The following CCDC92B variants were observed in gnomAD, a reference collection of about 807,000 sequenced individuals.
The protein encoded by CCDC92B is coiled-coil domain containing 92B, also known as coiled-coil domain-containing 92B.
In CCDC92B, 2 loss-of-function variants were observed where a neutral mutation model predicts 5.6. The observed-to-expected ratio is 0.36, with a 90% CI of 0.15 to 1.12. The LOEUF is 1.12. Among genes scored for constraint, CCDC92B ranks in the 50% most tolerant of loss-of-function variants. CCDC92B has a pLI of 0.40. For synonymous variants in CCDC92B, 115 were observed against 122.3 expected (o/e 0.94, Z 0.39); for missense variants, 271 against 262.2 (o/e 1.03, Z -0.23).
chr17:2,724,553 T>C lies in CCDC92B; in HGVS notation c.626A>G (p.Asp209Gly). Residue 209 changes from aspartate (D) to glycine (G), a missense_variant, in exon 4 of 4, where the codon GAC becomes GGC. Coordinates refer to ENST00000614400, the MANE Select transcript of CCDC92B (RefSeq NM_001355573.2). This position sits in a 1 kb window ranked among gnomAD's most constrained non-coding sequence, Gnocchi z 5.0. ...GALDDADPMP[D>G]PALFLYARRP... ...GCGTGCATAGAGGAAGAGCGCGGGG[T>C]CGGGCATGGGGTCGGCGTCGTCGAG... 1 of 980,990 alleles carries C rather than the reference T, an allele frequency of 1.0e-6. No homozygotes were observed. The allele number at this position is 980,990 out of a possible 1,614,324, so 60.8% of individuals were successfully genotyped here.
At chr17:2,725,800 C>T (rs1343266870) in intron 3 of CCDC92B, among the ~76,000 whole-genome samples, 2 of 151,690 alleles carry the variant, frequency 1.3e-5, no homozygotes, top group Non-Finnish European at 2.9e-5. Flanking sequence ...GTCTTCCCAG[C>T]AGAAGAGACT....
At chr17:2,741,198 CAAT>C (rs2070923083) in intron 1 of CCDC92B, among the ~76,000 whole-genome samples, 1 of 151,996 alleles carries the variant, frequency 6.6e-6, no homozygotes, top group African/African-American at 2.4e-5. Flanking sequence ...TAAGTGATCA[CAAT>C]GATAGCTTAC....
At chr17:2,736,662 C>T (rs994507938) in intron 1 of CCDC92B, among the ~76,000 whole-genome samples, 10 of 151,702 alleles carry the variant, frequency 6.6e-5, no homozygotes, top group Non-Finnish European at 1.5e-5. Flanking sequence ...CGGCGGATCA[C>T]TTGAGGTCAG....
At chr17:2,749,028 A>G (rs2071022643) in intron 1 of CCDC92B, among the ~76,000 whole-genome samples, 1 of 152,176 alleles carries the variant, frequency 6.6e-6, no homozygotes, top group South Asian at 2.1e-4. Context: ...TTCAGGCTTC[A>G]GGTTCTGCCC....
intron 1 of CCDC92B, among the ~76,000 whole-genome samples, chr17:2,748,924 G>C (rs141711763): frequency 0.011 from 1,600 of 152,174 alleles, 14 homozygotes; most frequent in South Asian, 0.031. Flanking sequence ...GCTGCCCCCT[G>C]CACTGAAGCG....
chr17:2,743,916 T>C (rs574630756), intron 1 of CCDC92B, among the ~76,000 whole-genome samples: 1 of 152,254 alleles, frequency 6.6e-6, no homozygotes, highest in South Asian at 2.1e-4. Flanking sequence ...CTGGCTCTGT[T>C]GCCCAGGTTG....
intron 3 of CCDC92B, 116 bp from the exon 4 acceptor site, chr17:2,725,116 C>T: frequency 1.0e-6 from 1 of 985,690 alleles, no homozygotes; most frequent in Non-Finnish European, 1.2e-6. Flanking sequence ...CTCATTTCTG[C>T]AATCCCAGCA....
intron 1 of CCDC92B, among the ~76,000 whole-genome samples, chr17:2,739,216 A>C (rs1467425440): frequency 6.7e-6 from 1 of 148,230 alleles, no homozygotes; most frequent in Non-Finnish European, 1.5e-5. Context: ...AAATACAAAA[A>C]ATTAGCTGGG....
At chr17:2,736,170 A>G (rs1211627311) in intron 1 of CCDC92B, among the ~76,000 whole-genome samples, 1 of 152,024 alleles carries the variant, frequency 6.6e-6, no homozygotes, top group Non-Finnish European at 1.5e-5. Context: ...TGGCTCACAC[A>G]GTAATCCCAG....
At chr17:2,741,075 C>T (rs911832635) in intron 1 of CCDC92B, among the ~76,000 whole-genome samples, 4 of 150,606 alleles carry the variant, frequency 2.7e-5, no homozygotes, top group Non-Finnish European at 5.9e-5. Flanking sequence ...ATTTGTTACA[C>T]AGCGATAAAA....
rs766940060 is a variant in CCDC92B, at chr17:2,734,103, C to CTAA, written c.130+912_130+913insTTA. On this transcript the variant is annotated intron_variant, in intron 2 of 3. Transcript: ENST00000614400. ...CTGTCTCCTTTAAGTGATGCTTTAT[C>CTAA]CATCAACTAGAACCTTCCATGAGCT... Among the ~76,000 whole-genome samples, 170 of 152,082 alleles carry CTAA rather than the reference C, an allele frequency of 1.1e-3. 2 individuals carry two copies. The highest frequency in any genetic ancestry group is 9.2e-4 in the Admixed American group (14 of 15,250).
chr17:2,738,628 C>T lies in CCDC92B; in HGVS notation c.-23-3460G>A, dbSNP rs996554532. On this transcript the variant is annotated intron_variant, in intron 1 of 3. Transcript: ENST00000614400. Reference sequence around the variant, plus strand: ...ATAAAAAATTAGCCGGGTGTGGTGGCGGGCGCCTGTAGTCCCAGCTACTCG... The same window carrying T: ...ATAAAAAATTAGCCGGGTGTGGTGGTGGGCGCCTGTAGTCCCAGCTACTCG... 6.6e-5 allele frequency among the ~76,000 whole-genome samples: 10 copies of T among 151,470 alleles called. No homozygotes were observed. In the South Asian group the frequency reaches 8.3e-4, roughly 13 times the overall value.
In CCDC92B at chr17:2,724,264, G is replaced by C. The variant is rs1366916530; in HGVS notation, c.*147C>G. The C allele has an allele frequency of 2.0e-6, 2 of 985,276 alleles. No individual in the cohort carries two copies. The highest frequency in any genetic ancestry group is 3.5e-5 in the African/African-American group (2 of 57,238). 61.0% of individuals were successfully genotyped at this position (985,276 alleles called of 1,614,324 possible). On this transcript the variant is annotated 3_prime_UTR_variant, in exon 4 of 4. Coordinates refer to ENST00000614400, the MANE Select transcript of CCDC92B (RefSeq NM_001355573.2). The surrounding 1 kb of genome is among the most constrained non-coding windows in gnomAD (Gnocchi z 5.0). ...GGAAGTACAAAAGGCTGGCGGTTCG[G>C]GGATTTGGGGGGAGCCGGGGCCGCC...
Position 2,724,326 on chromosome 17 carries a change from G to C in CCDC92B, c.*85C>G. The C allele has an allele frequency of 4.1e-6, 4 of 985,186 alleles. No individual in the cohort carries two copies. The highest frequency in any genetic ancestry group is 4.8e-6 in the Non-Finnish European group (4 of 829,848). The allele number at this position is 985,186 out of a possible 1,614,324, so 61.0% of individuals were successfully genotyped here. A position where few individuals can be genotyped will look rare whatever the true frequency, so the allele number is the denominator to read the frequency against. ...CCTGGAGGAGGGGCGGCTGCCCTCC[G>C]ACCCGGGACCTGCCTGCGGGGACCG... On this transcript the variant is annotated 3_prime_UTR_variant, in exon 4 of 4. Coordinates refer to ENST00000614400, the MANE Select transcript of CCDC92B (RefSeq NM_001355573.2). This position sits in a 1 kb window ranked among gnomAD's most constrained non-coding sequence, Gnocchi z 5.0.
At position 2,724,186 on chromosome 17, in the gene CCDC92B, C is replaced by T; in HGVS notation, c.*225G>A. 4.6e-5 allele frequency: 45 copies of T among 985,404 alleles called. No homozygotes were observed. Among genetic ancestry groups the T allele is most frequent in the Non-Finnish European group, 5.3e-5 (44 of 829,928 alleles). The allele number at this position is 985,404 out of a possible 1,614,324, so 61.0% of individuals were successfully genotyped here. On this transcript the variant is annotated 3_prime_UTR_variant, in exon 4 of 4. Coordinates refer to ENST00000614400, the MANE Select transcript of CCDC92B (RefSeq NM_001355573.2). This position sits in a 1 kb window ranked among gnomAD's most constrained non-coding sequence, Gnocchi z 5.0. Reference sequence around the variant, plus strand: ...CGGTAGAGAAGGTGCCCCCGCTCGGCCCCGCGGAGGAACTCTCGCGCGAGG... The same window carrying T: ...CGGTAGAGAAGGTGCCCCCGCTCGGTCCCGCGGAGGAACTCTCGCGCGAGG...
At position 2,724,482 on chromosome 17, in the gene CCDC92B, G is replaced by A; in HGVS notation, c.697C>T (p.Gln233Ter). 2 of 980,740 alleles carry A rather than the reference G, an allele frequency of 2.0e-6. No homozygotes were observed. Among genetic ancestry groups the A allele is most frequent in the Non-Finnish European group, 2.4e-6 (2 of 826,672 alleles). The allele number at this position is 980,740 out of a possible 1,614,324, so 60.8% of individuals were successfully genotyped here. The part of the protein sequence containing the change: ...SARSPRQPPP[Q>*]EPPDRAGPQP... The stretch of plus-strand genomic sequence containing the variant: ...GGGCCGGCTCGGTCCGGGGGCTCCT[G>A]GGGAGGCGGCTGGCGCGGGCTGCGG... The change falls in exon 4 of 4, where the codon CAG becomes TAG. Residue 233 changes from glutamine to a stop codon, truncating the protein, a stop_gained. Transcript: ENST00000614400. LOFTEE classifies it low-confidence loss of function (END_TRUNC). This position sits in a 1 kb window ranked among gnomAD's most constrained non-coding sequence, Gnocchi z 5.0.
At chr17:2,737,284 G>A (rs2070867937) in intron 1 of CCDC92B, among the ~76,000 whole-genome samples, 1 of 151,970 alleles carries the variant, frequency 6.6e-6, no homozygotes, top group Non-Finnish European at 1.5e-5. Flanking sequence ...GAGTAATTCT[G>A]TTCACCAAAT....
intron 1 of CCDC92B, among the ~76,000 whole-genome samples, chr17:2,736,977 C>T (rs982992883): frequency 2.6e-5 from 4 of 151,878 alleles, no homozygotes; most frequent in African/African-American, 9.7e-5. Flanking sequence ...AAGAGAGACT[C>T]ATGCAGTGAC....
In CCDC92B at chr17:2,744,594, G is replaced by A. The variant is rs563925720; in HGVS notation, c.-24+4817C>T. Among the ~76,000 whole-genome samples the A allele has an allele frequency of 3.6e-4, 54 of 151,410 alleles. 1 individual carries two copies. The highest frequency in any genetic ancestry group is 6.7e-4 in the Non-Finnish European group (45 of 67,442). ...TTTTCCTTAGTACCTAGCACAGTATGTGGCAAACAGGAAGTACTCAGTAAA... is the reference window on the plus strand; with the variant it reads ...TTTTCCTTAGTACCTAGCACAGTATATGGCAAACAGGAAGTACTCAGTAAA... On this transcript the variant is annotated intron_variant, in intron 1 of 3. Coordinates refer to ENST00000614400, the MANE Select transcript of CCDC92B (RefSeq NM_001355573.2).
Sources: gnomAD v4.1 joint callset for allele counts (sites outside exome capture counted in the v4.1 genomes callset) on GRCh38, gnomAD v4.1.1 for gene constraint, Gnocchi (gnomAD v3.1) non-coding constraint, MANE v1.5 for transcripts, NCBI Gene and HGNC (gene_info 2026-07-23, HGNC 2026-07-21) for gene names.